RGS7: variants seen among roughly 807,000 people sequenced by gnomAD.
The protein encoded by RGS7 is regulator of G protein signaling 7.
In RGS7, 27 loss-of-function variants were observed where a neutral mutation model predicts 81.1. That is an observed-to-expected ratio of 0.33 (90% CI 0.25 to 0.46). RGS7 has a LOEUF of 0.46. RGS7 is among the 20% of genes least tolerant of loss of function. The probability of loss-of-function intolerance (pLI) is 1.00; values close to 1 mark genes in which losing one functional copy is unlikely to be tolerated. For synonymous variants in RGS7, 208 were observed against 207.7 expected (o/e 1.00, Z -0.01); for missense variants, 396 against 607.4 (o/e 0.65, Z 3.66).
intron 2 of RGS7, among the ~76,000 whole-genome samples, chr1:241,207,301 T>C (rs1384960498): frequency 6.7e-6 from 1 of 149,616 alleles, no homozygotes; most frequent in Admixed American, 6.7e-5. Flanking sequence ...GAATTATGCA[T>C]GCTTTGTTCA....
chr1:241,347,185 T>C (rs1215113557), intron 2 of RGS7, among the ~76,000 whole-genome samples: 1 of 152,178 alleles, frequency 6.6e-6, no homozygotes, highest in African/African-American at 2.4e-5. Flanking sequence ...GAGGAAATCA[T>C]GTCAACTGGG....
chr1:241,312,782 T>G (rs1023531608), intron 2 of RGS7, among the ~76,000 whole-genome samples: 1 of 152,166 alleles, frequency 6.6e-6, no homozygotes, highest in Non-Finnish European at 1.5e-5. Flanking sequence ...ATTTCTCACT[T>G]GGAATCAAAA....
At position 241,186,020 on chromosome 1, in the gene RGS7, G is replaced by A. The variant is rs1406874628; in HGVS notation, c.79-87258C>T. ...AGCAAGAAAACAAACAAAACCAACG[G>A]GAAAATCAAAATCTGGTTCTGAGAA... On this transcript the variant is annotated intron_variant, in intron 2 of 18. Transcript: ENST00000440928. Among the ~76,000 whole-genome samples the A allele has an allele frequency of 2.6e-5, 4 of 151,866 alleles. No individual in the cohort carries two copies. In the East Asian group the frequency reaches 7.7e-4, roughly 29 times the overall value.
chr1:241,286,748 G>T (rs2078832472), intron 2 of RGS7, among the ~76,000 whole-genome samples: 2 of 152,146 alleles, frequency 1.3e-5, no homozygotes, highest in Admixed American at 6.5e-5. Flanking sequence ...TAATTTTCCA[G>T]AAGTCTCTGG....
At chr1:241,356,754 G>C (rs2083603166) in intron 1 of RGS7, 145 bp downstream of exon 1, 1 of 149,280 alleles carries the variant, frequency 6.7e-6, no homozygotes, top group South Asian at 2.1e-4. Context: ...GGCGCCCGTA[G>C]CCCAGCCCCG....
chr1:240,781,265 T>C (rs1294116832), intron 18 of RGS7, among the ~76,000 whole-genome samples: 2 of 152,140 alleles, frequency 1.3e-5, no homozygotes, highest in Non-Finnish European at 2.9e-5. Context: ...GATATTAGCA[T>C]AACAATGGGC....
At chr1:240,951,147 T>C (rs1679494389) in intron 4 of RGS7, among the ~76,000 whole-genome samples, 1 of 152,182 alleles carries the variant, frequency 6.6e-6, no homozygotes, top group Non-Finnish European at 1.5e-5. Context: ...CTTGAACTCC[T>C]GGGCTTAAGC....
At position 241,286,840 on chromosome 1, in the gene RGS7, T is replaced by C. The variant is rs533040565; in HGVS notation, c.78+68859A>G. Among the ~76,000 whole-genome samples, 279 of 152,238 alleles carry C rather than the reference T, an allele frequency of 1.8e-3. 2 individuals carry two copies. The highest frequency in any genetic ancestry group is 3.4e-3 in the Middle Eastern group (1 of 294). On this transcript the variant is annotated intron_variant, in intron 2 of 18. Transcript: ENST00000440928. ...AAACATGCCACTTGCAGCCCTCTTA[T>C]TCTGTCTGGTGGCCTACACCACACA...
chr1:241,333,191 T>C (rs1323262643), intron 2 of RGS7, among the ~76,000 whole-genome samples: 1 of 152,262 alleles, frequency 6.6e-6, no homozygotes, highest in Non-Finnish European at 1.5e-5. Flanking sequence ...AATATTGTCA[T>C]TTGCCTCCCT....
At chr1:241,196,234 C>T (rs1045920126) in intron 2 of RGS7, among the ~76,000 whole-genome samples, 5 of 152,008 alleles carry the variant, frequency 3.3e-5, no homozygotes, top group Non-Finnish European at 5.9e-5. Context: ...AGAGGTCAAC[C>T]TGTAATTATG....
intron 6 of RGS7, chr1:240,920,284 G>T: frequency 7.4e-7 from 1 of 1,345,270 alleles, no homozygotes; most frequent in Non-Finnish European, 1.1e-6. Flanking sequence ...GGTTTTGGTG[G>T]GAATGACAAC....
rs55993711 is a variant in RGS7 at position 241,011,960 on chromosome 1, T to C, written c.176-28831A>G. 8.6e-3 allele frequency among the ~76,000 whole-genome samples: 1,307 copies of C among 152,272 alleles called. 14 individuals are homozygous for C. The highest frequency in any genetic ancestry group is 0.029 in the African/African-American group (1,223 of 41,542). On this transcript the variant is annotated intron_variant, in intron 3 of 18. Coordinates refer to ENST00000440928, the MANE Select transcript of RGS7 (RefSeq NM_001364886.1). ...CTATGGAGTAGCTGTTCTTTATTAA[T>C]AAAGCTGTTCTTTCTTAATAAACTT...
intron 18 of RGS7, among the ~76,000 whole-genome samples, chr1:240,799,503 C>T (rs530711285): frequency 2.0e-5 from 3 of 152,064 alleles, no homozygotes; most frequent in Admixed American, 6.6e-5. Flanking sequence ...AATTGTTTAT[C>T]TTTCCCTTGT....
chr1:241,290,764 C>A (rs923936064), intron 2 of RGS7, among the ~76,000 whole-genome samples: 3 of 152,146 alleles, frequency 2.0e-5, no homozygotes, highest in African/African-American at 7.2e-5. Context: ...ATAAACTCTC[C>A]AAATCTCAAT....
chr1:241,044,341 C>T (rs1385530632), intron 3 of RGS7, among the ~76,000 whole-genome samples: 1 of 152,104 alleles, frequency 6.6e-6, no homozygotes, highest in Non-Finnish European at 1.5e-5. Context: ...AACTCCCGAC[C>T]TCAAGTGATC....
intron 11 of RGS7, among the ~76,000 whole-genome samples, chr1:240,815,283 AGT>A (rs1690617160): frequency 6.6e-6 from 1 of 152,180 alleles, no homozygotes; most frequent in Admixed American, 6.5e-5. Context: ...CAGAGGTTGC[AGT>A]GAGCTGAGAT....
intron 3 of RGS7, among the ~76,000 whole-genome samples, chr1:241,088,969 C>T (rs2063655162): frequency 1.4e-5 from 2 of 145,260 alleles, no homozygotes; most frequent in African/African-American, 2.6e-5. Context: ...TGAGATGGCG[C>T]GAGTTGAGAC....
chr1:240,957,543 C>T (rs981290580), intron 4 of RGS7, among the ~76,000 whole-genome samples: 3 of 152,174 alleles, frequency 2.0e-5, no homozygotes, highest in African/African-American at 7.2e-5. Flanking sequence ...CTGGCTAATA[C>T]AAGAGGCATG....
chr1:241,051,957 C>G (rs2061274472), intron 3 of RGS7, among the ~76,000 whole-genome samples: 2 of 152,296 alleles, frequency 1.3e-5, no homozygotes, highest in South Asian at 2.1e-4. Flanking sequence ...AGTCAGTCCT[C>G]AAACCCAGCC....
Sources: gnomAD v4.1 joint callset for allele counts (sites outside exome capture counted in the v4.1 genomes callset) on GRCh38, gnomAD v4.1.1 for gene constraint, MANE v1.5 for transcripts, NCBI Gene and HGNC (gene_info 2026-07-23, HGNC 2026-07-21) for gene names.